Variants in SEMA3E observed in about 807,000 individuals in gnomAD.
SEMA3E encodes the protein semaphorin 3E, also known as semaphorin-3E.
In SEMA3E, 49 loss-of-function variants were observed where a neutral mutation model predicts 93.6. The observed-to-expected ratio is 0.52, with a 90% CI of 0.42 to 0.66. SEMA3E has a LOEUF of 0.66. Among genes scored for constraint, SEMA3E ranks in the 30% least tolerant of loss-of-function variants. SEMA3E has a pLI of 0.00. For missense variants in SEMA3E, 906 were observed against 964.8 expected, an observed-to-expected ratio of 0.94 and a Z score of 0.81; for synonymous variants, 363 against 330.7, an observed-to-expected ratio of 1.10 and a Z score of -1.06.
chr7:83,604,925 G>C (rs1211703720), intron 1 of SEMA3E, among the ~76,000 whole-genome samples: 1 of 152,028 alleles, frequency 6.6e-6, no homozygotes, highest in Admixed American at 6.6e-5. Context: ...GAGGATGATG[G>C]CTTTCAGTTT....
intron 4 of SEMA3E, among the ~76,000 whole-genome samples, chr7:83,445,865 A>C (rs755848222): frequency 6.6e-6 from 1 of 152,220 alleles, no homozygotes; most frequent in Non-Finnish European, 1.5e-5. Context: ...ATGGACTTTT[A>C]CTTTACGGCC....
rs1055910806 is a variant in SEMA3E, at chr7:83,363,345, A to G, written c.*4241T>C. On this transcript the variant is annotated 3_prime_UTR_variant, in exon 17 of 17. Coordinates refer to ENST00000643230, the MANE Select transcript of SEMA3E (RefSeq NM_012431.3). The stretch of plus-strand genomic sequence containing the variant: ...TGGCAGATCCACGTTGTAGTCAAAG[A>G]GACACACTGTTAATGGTCCCTGCAG... 6.6e-6 allele frequency: 1 copy of G among 152,204 alleles called. No individual in the cohort carries two copies. Among genetic ancestry groups the G allele is most frequent in the African/African-American group, 2.4e-5 (1 of 41,456 alleles). The allele number at this position is 152,204 out of a possible 1,614,324, so 9.4% of individuals were successfully genotyped here.
chr7:83,591,295 T>C (rs998319575), intron 1 of SEMA3E, among the ~76,000 whole-genome samples: 1 of 151,934 alleles, frequency 6.6e-6, no homozygotes, highest in Non-Finnish European at 1.5e-5. Flanking sequence ...TCATGGGACC[T>C]GCTGCCAGTA....
intron 4 of SEMA3E, among the ~76,000 whole-genome samples, chr7:83,456,622 A>ATTTATTTATTTATTTATTTATTTATTTAT (rs10667838): frequency 1.4e-5 from 2 of 145,552 alleles, no homozygotes; most frequent in African/African-American, 2.5e-5. Context: ...TTATTTATTT[A>ATTTATTTATTTATTTATTTATTTATTTAT]TTATTTTTGA....
At chr7:83,425,156 T>C (rs1788744300) in intron 4 of SEMA3E, among the ~76,000 whole-genome samples, 1 of 152,086 alleles carries the variant, frequency 6.6e-6, no homozygotes, top group East Asian at 1.9e-4. Context: ...TACCAGTTGT[T>C]AATGAGCTAT....
At chr7:83,642,460 C>T (rs302123) in intron 1 of SEMA3E, among the ~76,000 whole-genome samples, 1 of 151,944 alleles carries the variant, frequency 6.6e-6, no homozygotes, top group East Asian at 1.9e-4. Flanking sequence ...ATATCAGAGA[C>T]TGCAACACTT....
At chr7:83,591,791 C>T (rs1172846800) in intron 1 of SEMA3E, among the ~76,000 whole-genome samples, 1 of 151,884 alleles carries the variant, frequency 6.6e-6, no homozygotes, top group African/African-American at 2.4e-5. Context: ...CTTCTTATGC[C>T]ACTTGCCCTA....
intron 4 of SEMA3E, among the ~76,000 whole-genome samples, chr7:83,420,286 C>T (rs1002488564): frequency 1.3e-5 from 2 of 152,046 alleles, no homozygotes; most frequent in South Asian, 4.1e-4. Flanking sequence ...GGAGATACTG[C>T]TGCAGAAAAT....
At chr7:83,424,036 G>A (rs1788722588) in intron 4 of SEMA3E, among the ~76,000 whole-genome samples, 1 of 152,060 alleles carries the variant, frequency 6.6e-6, no homozygotes, top group Non-Finnish European at 1.5e-5. Context: ...GAACATCACT[G>A]CAGTAGAAAA....
intron 1 of SEMA3E, among the ~76,000 whole-genome samples, chr7:83,554,801 C>T (rs148992976): frequency 1.3e-5 from 2 of 151,846 alleles, no homozygotes; most frequent in African/African-American, 2.4e-5. Context: ...ACGGTGAAAC[C>T]CCGTCTCTAC....
chr7:83,392,357 G>A (rs1244393899), intron 14 of SEMA3E, among the ~76,000 whole-genome samples, 198 bp downstream of exon 14: 1 of 151,642 alleles, frequency 6.6e-6, no homozygotes, highest in Non-Finnish European at 1.5e-5. Context: ...ATGTCTTGCA[G>A]CAAAAGTTTC....
At chr7:83,415,008 C>G (rs572857160) in intron 5 of SEMA3E, among the ~76,000 whole-genome samples, 35 of 152,094 alleles carry the variant, frequency 2.3e-4, no homozygotes, top group African/African-American at 7.9e-4. Flanking sequence ...TCAAATATAA[C>G]TGATAAAAAG....
chr7:83,450,407 G>GTATA (rs549474852), intron 4 of SEMA3E, among the ~76,000 whole-genome samples: 8,577 of 94,290 alleles, frequency 0.091, 447 homozygotes, highest in East Asian at 0.55. Flanking sequence ...TTATATCCAT[G>GTATA]TAAATAAATT....
At chr7:83,372,357 T>C (rs1442864623) in intron 16 of SEMA3E, 1 of 397,540 alleles carries the variant, frequency 2.5e-6, no homozygotes, top group Non-Finnish European at 4.4e-6. Context: ...ATATCTCCTG[T>C]GAGAGTGAAT....
At chr7:83,412,516 C>T (rs1788456384) in intron 5 of SEMA3E, among the ~76,000 whole-genome samples, 1 of 151,954 alleles carries the variant, frequency 6.6e-6, no homozygotes, top group Non-Finnish European at 1.5e-5. Flanking sequence ...GCAGCCCAGG[C>T]CGGAGGATCG....
intron 1 of SEMA3E, among the ~76,000 whole-genome samples, chr7:83,508,269 T>C (rs989565427): frequency 2.6e-5 from 4 of 151,774 alleles, no homozygotes; most frequent in South Asian, 2.1e-4. Context: ...TTTTCTTTTT[T>C]TTTTTTTTTG....
chr7:83,413,865 C>A (rs1788490634), intron 5 of SEMA3E, among the ~76,000 whole-genome samples: 1 of 152,046 alleles, frequency 6.6e-6, no homozygotes, highest in Non-Finnish European at 1.5e-5. Flanking sequence ...ATATTGATAC[C>A]ATGAGGGTTA....
At chr7:83,484,808 T>G (rs1350796200) in intron 2 of SEMA3E, among the ~76,000 whole-genome samples, 3 of 152,122 alleles carry the variant, frequency 2.0e-5, no homozygotes, top group Non-Finnish European at 4.4e-5. Flanking sequence ...GTTATTAAAA[T>G]TATGATCAAA....
intron 16 of SEMA3E, among the ~76,000 whole-genome samples, chr7:83,368,535 G>A (rs945211418): frequency 6.6e-6 from 1 of 152,030 alleles, no homozygotes; most frequent in African/African-American, 2.4e-5. Context: ...TGGAGAACTG[G>A]GCTCCTTTCA....
Sources: allele counts gnomAD v4.1 joint callset (sites outside exome capture counted in the v4.1 genomes callset), GRCh38; gene constraint gnomAD v4.1.1; transcripts MANE v1.5; gene names NCBI Gene and HGNC (gene_info 2026-07-23, HGNC 2026-07-21).